Variants in PHACTR1 observed in about 807,000 individuals in gnomAD.
The protein encoded by PHACTR1 is RPEL repeat containing 1.
A neutral mutation model predicts 69.2 loss-of-function variants in PHACTR1; 16 were observed. The observed-to-expected ratio is 0.23, with a 90% CI of 0.16 to 0.35. The LOEUF is 0.35. Ranked by LOEUF, PHACTR1 falls within the 10% of genes least tolerant of loss-of-function variation. The probability of loss-of-function intolerance (pLI) is 1.00; values close to 1 mark genes in which losing one functional copy is unlikely to be tolerated. For missense variants in PHACTR1, 510 were observed against 734.7 expected (o/e 0.69, Z 3.54); for synonymous variants, 312 against 284.5 (o/e 1.10, Z -0.97).
chr6:12,732,353 T>A (rs1763650269), intron 3 of PHACTR1, among the ~76,000 whole-genome samples: 1 of 152,052 alleles, frequency 6.6e-6, no homozygotes, highest in Non-Finnish European at 1.5e-5. Context: ...TATTTATTTA[T>A]TTTTCTTTAG....
intron 5 of PHACTR1, among the ~76,000 whole-genome samples, chr6:13,139,833 T>C (rs1245913981): frequency 6.6e-6 from 1 of 151,948 alleles, no homozygotes; most frequent in Non-Finnish European, 1.5e-5. Flanking sequence ...TTTCCTTTTC[T>C]GGAAAAAAAA....
chr6:12,788,467 A>G (rs1771825359), intron 4 of PHACTR1, among the ~76,000 whole-genome samples: 1 of 152,218 alleles, frequency 6.6e-6, no homozygotes, highest in Non-Finnish European at 1.5e-5. Flanking sequence ...ATAAATGAGA[A>G]TAAATTCATC....
At chr6:13,082,141 A>G (rs912609880) in intron 5 of PHACTR1, among the ~76,000 whole-genome samples, 2 of 152,112 alleles carry the variant, frequency 1.3e-5, no homozygotes, top group African/African-American at 4.8e-5. Context: ...ACTCCATGTT[A>G]TTCTGCCTCC....
rs60576147 is a variant in PHACTR1, at chr6:13,277,391, A to T, written c.1448-877A>T. On this transcript the variant is annotated intron_variant, in intron 11 of 14. Transcript: ENST00000332995. The stretch of plus-strand genomic sequence containing the variant: ...CACCCATGCTCTGTGGACTTCATGG[A>T]AGATTCAAACAATCGATGGAATCAG... Among the ~76,000 whole-genome samples, 514 of 152,320 alleles carry T rather than the reference A, an allele frequency of 3.4e-3. 3 individuals are homozygous for T. The highest frequency in any genetic ancestry group is 0.012 in the African/African-American group (502 of 41,570).
intron 5 of PHACTR1, among the ~76,000 whole-genome samples, chr6:13,096,684 T>C (rs1239728680): frequency 6.6e-6 from 1 of 152,242 alleles, no homozygotes; most frequent in Non-Finnish European, 1.5e-5. Context: ...CTTAGTTTTC[T>C]GTTTGTCTTT....
chr6:12,914,734 TA>T (rs1175269228), intron 4 of PHACTR1, among the ~76,000 whole-genome samples: 1 of 151,792 alleles, frequency 6.6e-6, no homozygotes, highest in Admixed American at 6.6e-5. Context: ...GGAACAATAT[TA>T]AAAAAAATCA....
At chr6:13,181,571 C>G (rs748023651) in intron 6 of PHACTR1, among the ~76,000 whole-genome samples, 1 of 152,188 alleles carries the variant, frequency 6.6e-6, no homozygotes, top group African/African-American at 2.4e-5. Context: ...TGTATGGGAG[C>G]CTTTGATCCT....
chr6:12,961,271 G>T (rs1462058814), intron 4 of PHACTR1, among the ~76,000 whole-genome samples: 1 of 152,180 alleles, frequency 6.6e-6, no homozygotes, highest in African/African-American at 2.4e-5. Flanking sequence ...ACAGAATACA[G>T]AAAGATGAGA....
At chr6:13,127,881 G>C (rs1170907759) in intron 5 of PHACTR1, among the ~76,000 whole-genome samples, 2 of 152,070 alleles carry the variant, frequency 1.3e-5, no homozygotes, top group Non-Finnish European at 2.9e-5. Flanking sequence ...GACTGCCCAA[G>C]ACTGGGTAAT....
intron 5 of PHACTR1, among the ~76,000 whole-genome samples, chr6:13,134,765 G>T (rs1459343672): frequency 8.3e-6 from 1 of 120,374 alleles, no homozygotes; most frequent in Non-Finnish European, 1.7e-5. Context: ...CCCCCTCTCC[G>T]AGAAACACCC....
intron 4 of PHACTR1, among the ~76,000 whole-genome samples, chr6:13,029,625 G>T (rs1218204715): frequency 1.3e-5 from 2 of 152,186 alleles, no homozygotes; most frequent in African/African-American, 4.8e-5. Context: ...ACGTAGCTAG[G>T]AGTACAGTGT....
intron 4 of PHACTR1, among the ~76,000 whole-genome samples, chr6:12,784,676 A>G (rs1170950809): frequency 2.0e-5 from 3 of 151,888 alleles, no homozygotes; most frequent in African/African-American, 7.3e-5. Flanking sequence ...ATATACATAC[A>G]CATCCACACG....
intron 4 of PHACTR1, among the ~76,000 whole-genome samples, chr6:12,966,912 T>C (rs1316097850): frequency 1.3e-5 from 2 of 152,206 alleles, no homozygotes; most frequent in African/African-American, 2.4e-5. Flanking sequence ...ATGCTATTTT[T>C]CCACTAGATT....
intron 6 of PHACTR1, among the ~76,000 whole-genome samples, chr6:13,177,601 G>A (rs76092390): frequency 0.029 from 4,404 of 152,208 alleles, 205 homozygotes; most frequent in African/African-American, 0.1. Flanking sequence ...TTAACCATGA[G>A]GATTTGAGAA....
intron 4 of PHACTR1, among the ~76,000 whole-genome samples, chr6:12,914,484 C>T (rs1020077004): frequency 5.9e-5 from 9 of 152,188 alleles, no homozygotes; most frequent in East Asian, 1.9e-4. Flanking sequence ...ACTATAGATG[C>T]GCTGAAGACA....
At position 13,024,193 on chromosome 6, in the gene PHACTR1, G is replaced by A. The variant is rs9463368; in HGVS notation, c.251-29172G>A. Among the ~76,000 whole-genome samples the A allele has an allele frequency of 6.5e-3, 994 of 152,280 alleles. 9 individuals are homozygous for A. The highest frequency in any genetic ancestry group is 0.023 in the African/African-American group (941 of 41,562). On this transcript the variant is annotated intron_variant, in intron 4 of 14. Coordinates refer to ENST00000332995, the MANE Select transcript of PHACTR1 (RefSeq NM_030948.6). ...CTGATTCTGAAGGTGTTCTCAGTAA[G>A]ATTTGGCACCAGTATGTCCTCGCAC...
intron 4 of PHACTR1, chr6:12,957,938 CTG>C: frequency 1.0e-6 from 1 of 985,178 alleles, no homozygotes; most frequent in African/African-American, 1.7e-5. Flanking sequence ...CTTGAGGAGA[CTG>C]TTGCTCAATT....
At chr6:12,788,845 C>T (rs912592039) in intron 4 of PHACTR1, among the ~76,000 whole-genome samples, 1 of 152,128 alleles carries the variant, frequency 6.6e-6, no homozygotes, top group Non-Finnish European at 1.5e-5. Flanking sequence ...TTAAATTCTG[C>T]ATTGAAGACT....
intron 7 of PHACTR1, among the ~76,000 whole-genome samples, chr6:13,203,797 G>A (rs556497452): frequency 3.7e-4 from 57 of 152,308 alleles, no homozygotes; most frequent in African/African-American, 1.2e-3. Flanking sequence ...GATGGTCTGG[G>A]TAATGGTGAG....
Sources: gnomAD v4.1 joint callset for allele counts (sites outside exome capture counted in the v4.1 genomes callset) on GRCh38, gnomAD v4.1.1 for gene constraint, MANE v1.5 for transcripts, NCBI Gene and HGNC (gene_info 2026-07-23, HGNC 2026-07-21) for gene names.